USP14: variants seen among roughly 807,000 people sequenced by gnomAD.
USP14 encodes the protein ubiquitin carboxyl-terminal hydrolase 14.
In USP14, 38 loss-of-function variants were observed where a neutral mutation model predicts 76.5. The observed-to-expected ratio is 0.50, with a 90% CI of 0.38 to 0.65. The LOEUF (loss-of-function observed/expected upper bound fraction) is 0.65. Ranked by LOEUF, USP14 falls within the 30% of genes least tolerant of loss-of-function variation. USP14 has a pLI of 0.00. For missense variants in USP14, 467 were observed against 586.5 expected (o/e 0.80, Z 2.10); for synonymous variants, 192 against 191.7 (o/e 1.00, Z -0.01).
intron 3 of USP14, among the ~76,000 whole-genome samples, chr18:174,326 C>T (rs1909564481): frequency 2.0e-5 from 3 of 147,388 alleles, no homozygotes; most frequent in African/African-American, 7.6e-5. Flanking sequence ...AGTGCAGTGG[C>T]GTGATCTCAG....
Position 213,122 on chromosome 18 carries a change from G to A in USP14, c.*1838G>A, listed in dbSNP as rs1237007264. 6.6e-6 allele frequency: 1 copy of A among 152,060 alleles called. No individual in the cohort carries two copies. Among genetic ancestry groups the A allele is most frequent in the Non-Finnish European group, 1.5e-5 (1 of 68,000 alleles). 9.4% of individuals were successfully genotyped at this position (152,060 alleles called of 1,614,324 possible). ...GACCATGAAAATTATAATGATTCAT[G>A]TATATTTGTATGATGCTTGTAACTT... On this transcript the variant is annotated 3_prime_UTR_variant, in exon 16 of 16. Coordinates refer to ENST00000261601, the MANE Select transcript of USP14 (RefSeq NM_005151.4).
chr18:205,176 C>CT, intron 13 of USP14, among the ~76,000 whole-genome samples: 1 of 152,200 alleles, frequency 6.6e-6, no homozygotes, highest in East Asian at 1.9e-4. Context: ...CACACCTGGC[C>CT]TTTAGGTGTA....
intron 13 of USP14, among the ~76,000 whole-genome samples, chr18:209,133 GTCT>G (rs1252897205): frequency 2.1e-5 from 3 of 142,282 alleles, no homozygotes; most frequent in Non-Finnish European, 4.6e-5. Flanking sequence ...TTTTTTTTTT[GTCT>G]TCTTGTGGGT....
chr18:170,858 G>T (rs905745434), intron 3 of USP14, among the ~76,000 whole-genome samples: 1 of 151,728 alleles, frequency 6.6e-6, no homozygotes, highest in African/African-American at 2.4e-5. Flanking sequence ...GGCCTGTCAG[G>T]CAGTGGGATG....
At chr18:206,862 C>T (rs1330733832) in intron 13 of USP14, among the ~76,000 whole-genome samples, 1 of 152,234 alleles carries the variant, frequency 6.6e-6, no homozygotes, top group East Asian at 1.9e-4. Flanking sequence ...GATCACGCCA[C>T]TGCCCTCCAG....
chr18:199,188 C>T lies in USP14; in HGVS notation c.762-14C>T. 6.4e-7 allele frequency: 1 copy of T among 1,564,790 alleles called. No individual in the cohort carries two copies. The highest frequency in any genetic ancestry group is 8.8e-7 in the Non-Finnish European group (1 of 1,135,880). On this transcript the variant is annotated splice_polypyrimidine_tract_variant and intron_variant, in intron 9 of 15. Coordinates refer to ENST00000261601, the MANE Select transcript of USP14 (RefSeq NM_005151.4). ...GAATACCCGTTGGCATATTCCTTAT[C>T]TTAGTTTACAAAGCATGAAATGTAC...
rs753328199 is a variant in USP14, at chr18:212,881, C to T, written c.*1597C>T. ...TCTTTGTGTATGTTGTTTTAATGCTCGGCAGAGCACAACACTGATGATAAC... is the reference window on the plus strand; with the variant it reads ...TCTTTGTGTATGTTGTTTTAATGCTTGGCAGAGCACAACACTGATGATAAC... On this transcript the variant is annotated 3_prime_UTR_variant, in exon 16 of 16. Coordinates refer to ENST00000261601, the MANE Select transcript of USP14 (RefSeq NM_005151.4). 3.3e-5 allele frequency: 5 copies of T among 152,090 alleles called. No homozygotes were observed. The highest frequency in any genetic ancestry group is 6.6e-5 in the Admixed American group (1 of 15,258). The allele number at this position is 152,090 out of a possible 1,614,324, so 9.4% of individuals were successfully genotyped here. A position where few individuals can be genotyped will look rare whatever the true frequency, so the allele number is the denominator to read the frequency against.
chr18:168,545 C>CT (rs1909345113), intron 3 of USP14, among the ~76,000 whole-genome samples: 1 of 152,020 alleles, frequency 6.6e-6, no homozygotes, highest in Non-Finnish European at 1.5e-5. Flanking sequence ...TGTGATTCTC[C>CT]TGCCTCAACC....
At chr18:183,749 T>G (rs961133976) in intron 5 of USP14, among the ~76,000 whole-genome samples, 1 of 147,452 alleles carries the variant, frequency 6.8e-6, no homozygotes, top group Non-Finnish European at 1.5e-5. Context: ...ATTTAAAGGT[T>G]TTTTTTTTTT....
intron 3 of USP14, among the ~76,000 whole-genome samples, chr18:170,382 T>C (rs1185323627): frequency 6.6e-6 from 1 of 152,190 alleles, no homozygotes. Context: ...GAGTTTCATG[T>C]CTTTTACTTT....
chr18:212,147 T>C lies in USP14; in HGVS notation c.*863T>C, dbSNP rs1291231847. The C allele has an allele frequency of 6.6e-6, 1 of 151,312 alleles. No individual in the cohort carries two copies. The highest frequency in any genetic ancestry group is 1.5e-5 in the Non-Finnish European group (1 of 67,558). The allele number at this position is 151,312 out of a possible 1,614,324, so 9.4% of individuals were successfully genotyped here. A position where few individuals can be genotyped will look rare whatever the true frequency, so the allele number is the denominator to read the frequency against. ...CTGAAGATGGTTATTAACACTGTGCTGTTAAGCATCCATTTAAAAATATTT... is the reference window on the plus strand; with the variant it reads ...CTGAAGATGGTTATTAACACTGTGCCGTTAAGCATCCATTTAAAAATATTT... On this transcript the variant is annotated 3_prime_UTR_variant, in exon 16 of 16. Coordinates refer to ENST00000261601, the MANE Select transcript of USP14 (RefSeq NM_005151.4).
chr18:184,593 AACAG>A (rs1157606224), intron 5 of USP14, among the ~76,000 whole-genome samples: 1 of 152,088 alleles, frequency 6.6e-6, no homozygotes, highest in African/African-American at 2.4e-5. Flanking sequence ...ACCTCTACAA[AACAG>A]ACAAACAAAC....
At chr18:166,458 G>A (rs1286987404) in intron 2 of USP14, among the ~76,000 whole-genome samples, 3 of 151,800 alleles carry the variant, frequency 2.0e-5, no homozygotes, top group South Asian at 2.1e-4. Flanking sequence ...TCAGCCTCCC[G>A]AGTAGCTGGA....
At position 211,468 on chromosome 18, in the gene USP14, T is replaced by C. The variant is rs1031824495; in HGVS notation, c.*184T>C. 5 of 524,084 alleles carry C rather than the reference T, an allele frequency of 9.5e-6. No individual in the cohort carries two copies. The Admixed American group carries it at 1.5e-4, about 16-fold the overall frequency. 32.5% of individuals were successfully genotyped at this position (524,084 alleles called of 1,614,324 possible). The stretch of plus-strand genomic sequence containing the variant: ...AAAAATTACAGAGAAGAGAAAATTA[T>C]CTTTGGATTGTGCTGCCCTATATAA... On this transcript the variant is annotated 3_prime_UTR_variant, in exon 16 of 16. Coordinates refer to ENST00000261601, the MANE Select transcript of USP14 (RefSeq NM_005151.4).
intron 2 of USP14, among the ~76,000 whole-genome samples, chr18:164,548 G>A (rs922412387): frequency 6.6e-6 from 1 of 152,014 alleles, no homozygotes; most frequent in Admixed American, 6.6e-5. Flanking sequence ...CCGCCTCCTG[G>A]GTTCAAGCGA....
At chr18:189,579 T>A (rs1910030437) in intron 5 of USP14, among the ~76,000 whole-genome samples, 1 of 151,824 alleles carries the variant, frequency 6.6e-6, no homozygotes, top group African/African-American at 2.4e-5. Flanking sequence ...GCCTCCTGGG[T>A]TCAAGTGATT....
At chr18:173,836 T>C (rs1030639832) in intron 3 of USP14, among the ~76,000 whole-genome samples, 12 of 152,254 alleles carry the variant, frequency 7.9e-5, no homozygotes. Flanking sequence ...TCTTTTCCAT[T>C]CTTCCTCAGT....
chr18:164,702 C>T (rs552085818), intron 2 of USP14, among the ~76,000 whole-genome samples: 1 of 152,286 alleles, frequency 6.6e-6, no homozygotes, highest in South Asian at 2.1e-4. Flanking sequence ...GATCTGCCCA[C>T]CTTGGCCTCC....
rs1910251002 is a variant in USP14, at chr18:196,839, G to C, written c.594+72G>C. 7.1e-6 allele frequency: 11 copies of C among 1,560,202 alleles called. No individual in the cohort carries two copies. The Admixed American group carries it at 1.6e-4, about 23-fold the overall frequency. ...TTTCCTACATTTACCGTACTTACTGGAACATAGTTCGAAATATAAACATCA... is the reference window on the plus strand; with the variant it reads ...TTTCCTACATTTACCGTACTTACTGCAACATAGTTCGAAATATAAACATCA... On this transcript the variant is annotated intron_variant, in intron 7 of 15. Coordinates refer to ENST00000261601, the MANE Select transcript of USP14 (RefSeq NM_005151.4).
Sources: gnomAD v4.1 joint callset for allele counts (sites outside exome capture counted in the v4.1 genomes callset) on GRCh38, gnomAD v4.1.1 for gene constraint, MANE v1.5 for transcripts, NCBI Gene and HGNC (gene_info 2026-07-23, HGNC 2026-07-21) for gene names.